Variants in UST observed in about 807,000 individuals in gnomAD.
UST encodes the protein chondroitin sulfate 2-O-sulfotransferase.
In UST, 21 loss-of-function variants were observed where a neutral mutation model predicts 45.6. That is an observed-to-expected ratio of 0.46 (90% CI 0.33 to 0.66). The LOEUF (loss-of-function observed/expected upper bound fraction) is 0.66, where lower values mean the gene tolerates loss of function less well. Ranked by LOEUF, UST falls within the 30% of genes least tolerant of loss-of-function variation. The pLI is 0.02. For missense variants in UST, 463 were observed against 512.4 expected, an observed-to-expected ratio of 0.90 and a Z score of 0.93; for synonymous variants, 215 against 200.6, an observed-to-expected ratio of 1.07 and a Z score of -0.61.
intron 1 of UST, among the ~76,000 whole-genome samples, chr6:148,826,691 A>C (rs1777574115): frequency 6.6e-6 from 1 of 152,210 alleles, no homozygotes; most frequent in African/African-American, 2.4e-5. Context: ...AAGTGGCTTA[A>C]AACAATCCAC....
chr6:148,771,026 G>C (rs1398192753), intron 1 of UST, among the ~76,000 whole-genome samples: 1 of 152,064 alleles, frequency 6.6e-6, no homozygotes, highest in Non-Finnish European at 1.5e-5. Context: ...TGATGTCACT[G>C]TGCCTTGTTG....
At chr6:148,974,319 T>TAAA (rs35513894) in intron 5 of UST, among the ~76,000 whole-genome samples, 1 of 149,126 alleles carries the variant, frequency 6.7e-6, no homozygotes, top group Non-Finnish European at 1.5e-5. Context: ...CTTATAATAT[T>TAAA]AAAAAAAAAA....
At chr6:148,901,107 T>C (rs905523641) in intron 2 of UST, among the ~76,000 whole-genome samples, 1 of 152,188 alleles carries the variant, frequency 6.6e-6, no homozygotes, top group Admixed American at 6.5e-5. Context: ...GGGTAACATA[T>C]TCACAGAATT....
At chr6:148,751,367 G>A (rs1304281012) in intron 1 of UST, among the ~76,000 whole-genome samples, 1 of 152,188 alleles carries the variant, frequency 6.6e-6, no homozygotes, top group Admixed American at 6.5e-5. Context: ...GACCTTCCAA[G>A]GTTAGGAGAG....
intron 5 of UST, among the ~76,000 whole-genome samples, chr6:149,001,621 A>G (rs1419001106): frequency 6.6e-6 from 1 of 152,200 alleles, no homozygotes; most frequent in Non-Finnish European, 1.5e-5. Context: ...GGAATTTTAT[A>G]CCCAGCTAAA....
chr6:148,846,406 A>G (rs1304538682), intron 1 of UST, among the ~76,000 whole-genome samples: 1 of 151,882 alleles, frequency 6.6e-6, no homozygotes, highest in East Asian at 1.9e-4. Context: ...ATGAGAACAC[A>G]TGGACGTAGG....
At chr6:148,814,234 T>TG (rs113844793) in intron 1 of UST, among the ~76,000 whole-genome samples, 1,892 of 152,172 alleles carry the variant, frequency 0.012, 38 homozygotes, top group African/African-American at 0.043. Flanking sequence ...GAGGAGTGTG[T>TG]GGGGAGGAGC....
chr6:149,004,516 G>T lies in UST; in HGVS notation c.682-14623G>T, dbSNP rs369541814. 5.9e-5 allele frequency among the ~76,000 whole-genome samples: 9 copies of T among 152,300 alleles called. No homozygotes were observed. In the East Asian group the frequency reaches 1.7e-3, roughly 29 times the overall value. On this transcript the variant is annotated intron_variant, in intron 5 of 7. Coordinates refer to ENST00000367463, the MANE Select transcript of UST (RefSeq NM_005715.3). ...GAAGGGCCCATGGTGCCCCAGGAAG[G>T]GGCCCCAAATCCAGGAGTAGGTAAC...
intron 1 of UST, among the ~76,000 whole-genome samples, chr6:148,775,857 C>T (rs2114681047): frequency 6.6e-6 from 1 of 152,204 alleles, no homozygotes; most frequent in East Asian, 1.9e-4. Flanking sequence ...ATCTCGAACT[C>T]CTGACCTCAG....
At chr6:148,752,636 T>A (rs1398838300) in intron 1 of UST, among the ~76,000 whole-genome samples, 2 of 152,240 alleles carry the variant, frequency 1.3e-5, no homozygotes, top group African/African-American at 2.4e-5. Flanking sequence ...ACTGTCTTTC[T>A]TCAAATTCCC....
chr6:148,751,394 A>C (rs1775988434), intron 1 of UST, among the ~76,000 whole-genome samples: 1 of 152,184 alleles, frequency 6.6e-6, no homozygotes, highest in African/African-American at 2.4e-5. Flanking sequence ...CGTGAGGAGT[A>C]GGCTGACGTG....
In UST at chr6:148,786,260, G is replaced by A. The variant is rs148124493; in HGVS notation, c.247+38583G>A. On this transcript the variant is annotated intron_variant, in intron 1 of 7. Transcript: ENST00000367463. Reference sequence around the variant, plus strand: ...TTTTATTTTAAGTTCAGGGGTCCGTGTGCAGGATGTGCAGGTTCGTTACAC... The same window carrying A: ...TTTTATTTTAAGTTCAGGGGTCCGTATGCAGGATGTGCAGGTTCGTTACAC... 3.4e-3 allele frequency among the ~76,000 whole-genome samples: 513 copies of A among 152,154 alleles called. 1 individual carries two copies. The highest frequency in any genetic ancestry group is 0.012 in the African/African-American group (479 of 41,494).
intron 1 of UST, among the ~76,000 whole-genome samples, chr6:148,792,999 G>A (rs1200676879): frequency 3.3e-5 from 5 of 152,136 alleles, no homozygotes; most frequent in Admixed American, 6.5e-5. Flanking sequence ...TAAACATCAA[G>A]AAAAGCAAGG....
chr6:148,791,482 G>A (rs1776846713), intron 1 of UST, among the ~76,000 whole-genome samples: 1 of 152,190 alleles, frequency 6.6e-6, no homozygotes, highest in Non-Finnish European at 1.5e-5. Context: ...CATAAGAAGT[G>A]CGTAGGGTCA....
intron 5 of UST, among the ~76,000 whole-genome samples, chr6:148,973,747 T>TC (rs1405773249): frequency 6.6e-6 from 1 of 152,202 alleles, no homozygotes; most frequent in Non-Finnish European, 1.5e-5. Flanking sequence ...CAGTATAAAT[T>TC]CCCCAAAGGC....
At chr6:148,964,919 GC>G (rs1383950404) in intron 5 of UST, among the ~76,000 whole-genome samples, 1 of 152,156 alleles carries the variant, frequency 6.6e-6, no homozygotes, top group Non-Finnish European at 1.5e-5. Flanking sequence ...GGGCGGCAGA[GC>G]CCCTTCTCAT....
chr6:149,026,517 T>A (rs893300269), intron 7 of UST, among the ~76,000 whole-genome samples: 1 of 152,208 alleles, frequency 6.6e-6, no homozygotes, highest in Non-Finnish European at 1.5e-5. Flanking sequence ...TTTCTAGTCA[T>A]AATTTTTAGG....
intron 5 of UST, among the ~76,000 whole-genome samples, chr6:148,979,077 G>A (rs573196028): frequency 4.6e-5 from 7 of 152,172 alleles, no homozygotes; most frequent in Non-Finnish European, 5.9e-5. Flanking sequence ...CCTCGGCCCC[G>A]CATGCACCTG....
intron 1 of UST, among the ~76,000 whole-genome samples, chr6:148,813,745 T>C (rs1777303513): frequency 6.6e-6 from 1 of 152,246 alleles, no homozygotes; most frequent in African/African-American, 2.4e-5. Flanking sequence ...TCACCATTTA[T>C]GCTGAATTTC....
Sources: allele counts gnomAD v4.1 joint callset (sites outside exome capture counted in the v4.1 genomes callset), GRCh38; gene constraint gnomAD v4.1.1; transcripts MANE v1.5; gene names NCBI Gene and HGNC (gene_info 2026-07-23, HGNC 2026-07-21).